Variants in ATP8B4 observed in about 807,000 individuals in gnomAD.
ATP8B4 encodes ATPase phospholipid transporting 8B4 (putative), also known as probable phospholipid-transporting ATPase IM.
A neutral mutation model predicts 145.6 loss-of-function variants in ATP8B4; 133 were observed. That is an observed-to-expected ratio of 0.91 (90% CI 0.79 to 1.05). The LOEUF (loss-of-function observed/expected upper bound fraction) is 1.05. Ranked by LOEUF, ATP8B4 falls within the 50% of genes least tolerant of loss-of-function variation. The pLI, the probability that ATP8B4 is intolerant of heterozygous loss-of-function variation, is 0.00. For synonymous variants in ATP8B4, 507 were observed against 492.9 expected (o/e 1.03, Z -0.38); for missense variants, 1,458 against 1,425.2 (o/e 1.02, Z -0.37).
At chr15:50,117,588 A>T (rs2057192713) in intron 1 of ATP8B4, among the ~76,000 whole-genome samples, 1 of 152,020 alleles carries the variant, frequency 6.6e-6, no homozygotes, top group Admixed American at 6.6e-5. Context: ...AAAATAAATC[A>T]CTCTGTGGTT....
At chr15:50,047,577 G>A (rs779624861) in intron 3 of ATP8B4, 113 bp from the exon 4 acceptor site, 1 of 703,118 alleles carries the variant, frequency 1.4e-6, no homozygotes, top group East Asian at 2.7e-5. Flanking sequence ...CGGTTATCTA[G>A]GAAATTTCAA....
chr15:50,142,878 C>T (rs2044230725), intron 1 of ATP8B4, among the ~76,000 whole-genome samples: 1 of 152,152 alleles, frequency 6.6e-6, no homozygotes, highest in Admixed American at 6.6e-5. Flanking sequence ...CCATCCATGG[C>T]CTTGACTGTT....
chr15:49,875,821 T>C (rs1233353426), intron 25 of ATP8B4, among the ~76,000 whole-genome samples: 2 of 152,200 alleles, frequency 1.3e-5, no homozygotes, highest in African/African-American at 4.8e-5. Context: ...GAGTGTGAGA[T>C]TCGGATATGC....
intron 12 of ATP8B4, 58 bp downstream of exon 12, chr15:49,979,559 T>C: frequency 2.3e-6 from 3 of 1,315,886 alleles, no homozygotes; most frequent in Non-Finnish European, 3.0e-6. Context: ...AAACAAATAA[T>C]ATTGGAAACA....
At chr15:49,932,805 G>C (rs1333231279) in intron 15 of ATP8B4, among the ~76,000 whole-genome samples, 1 of 151,974 alleles carries the variant, frequency 6.6e-6, no homozygotes, top group Non-Finnish European at 1.5e-5. Flanking sequence ...TCAAAACTGG[G>C]TCCCCCAAAG....
At chr15:49,894,857 C>T (rs889871324) in intron 23 of ATP8B4, 1 of 152,188 alleles carries the variant, frequency 6.6e-6, no homozygotes, top group Non-Finnish European at 1.5e-5. Flanking sequence ...ATAGAAACAC[C>T]CACCAACATG....
At chr15:49,877,590 G>T (rs778813829) in intron 24 of ATP8B4, among the ~76,000 whole-genome samples, 3 of 152,142 alleles carry the variant, frequency 2.0e-5, no homozygotes, top group Non-Finnish European at 2.9e-5. Context: ...GTGACTGAGG[G>T]TTATGTGCGC....
intron 1 of ATP8B4, among the ~76,000 whole-genome samples, chr15:50,139,226 G>GC (rs2044174687): frequency 6.6e-6 from 1 of 152,128 alleles, no homozygotes; most frequent in Non-Finnish European, 1.5e-5. Context: ...AGAAAATGTG[G>GC]CACATATACA....
intron 1 of ATP8B4, among the ~76,000 whole-genome samples, chr15:50,129,835 C>T (rs1315515284): frequency 6.6e-6 from 1 of 151,840 alleles, no homozygotes; most frequent in Non-Finnish European, 1.5e-5. Context: ...GTAGTCCCAG[C>T]TACTTGGGAA....
chr15:50,030,337 T>C (rs1389677948), intron 6 of ATP8B4, among the ~76,000 whole-genome samples: 1 of 152,184 alleles, frequency 6.6e-6, no homozygotes, highest in Non-Finnish European at 1.5e-5. Context: ...TCATCTAAGA[T>C]AAATGCATCC....
intron 3 of ATP8B4, among the ~76,000 whole-genome samples, chr15:50,072,645 G>A (rs958209730): frequency 7.9e-5 from 12 of 151,422 alleles, no homozygotes; most frequent in East Asian, 2.0e-4. Context: ...CTTTCGAGAT[G>A]GAGTCTCCCT....
chr15:50,106,752 A>T (rs1462124790), intron 2 of ATP8B4, among the ~76,000 whole-genome samples, 187 bp downstream of exon 2: 1 of 152,218 alleles, frequency 6.6e-6, no homozygotes, highest in African/African-American at 2.4e-5. Flanking sequence ...GGGGTGATAG[A>T]AATCAATGTT....
At chr15:50,098,677 CA>C (rs1045594069) in intron 2 of ATP8B4, among the ~76,000 whole-genome samples, 7 of 152,036 alleles carry the variant, frequency 4.6e-5, no homozygotes, top group African/African-American at 1.7e-4. Context: ...TGTAGATTCA[CA>C]AAAATAAGCA....
chr15:50,058,391 C>G (rs918127802), intron 3 of ATP8B4, among the ~76,000 whole-genome samples: 11 of 152,174 alleles, frequency 7.2e-5, no homozygotes, highest in African/African-American at 2.7e-4. Context: ...AAAATTAGAC[C>G]ATGTTCACAC....
intron 3 of ATP8B4, among the ~76,000 whole-genome samples, chr15:50,054,841 T>C (rs1315163389): frequency 6.8e-6 from 1 of 146,414 alleles, no homozygotes; most frequent in African/African-American, 2.5e-5. Flanking sequence ...CTCAGCACTT[T>C]AAATTCAGTC....
chr15:50,158,912 T>C (rs2044472990), intron 1 of ATP8B4, among the ~76,000 whole-genome samples: 1 of 152,164 alleles, frequency 6.6e-6, no homozygotes, highest in Non-Finnish European at 1.5e-5. Flanking sequence ...GGCAGCATGC[T>C]CCTTAAGAGT....
intron 1 of ATP8B4, among the ~76,000 whole-genome samples, chr15:50,126,468 C>T (rs1157745883): frequency 6.6e-6 from 1 of 152,132 alleles, no homozygotes; most frequent in Non-Finnish European, 1.5e-5. Flanking sequence ...GTTCCTGGAC[C>T]TTGTGCAAGA....
At chr15:49,902,842 T>C (rs1224372642) in intron 20 of ATP8B4, among the ~76,000 whole-genome samples, 1 of 152,170 alleles carries the variant, frequency 6.6e-6, no homozygotes, top group East Asian at 1.9e-4. Context: ...AAATTGTGAC[T>C]TCAGAAAGCA....
chr15:49,907,171 A>G (rs1377633586), intron 20 of ATP8B4, among the ~76,000 whole-genome samples: 1 of 152,204 alleles, frequency 6.6e-6, no homozygotes, highest in Non-Finnish European at 1.5e-5. Flanking sequence ...GTAGACACTG[A>G]TGAACAGTAA....
Sources: allele counts gnomAD v4.1 joint callset (sites outside exome capture counted in the v4.1 genomes callset), GRCh38; gene constraint gnomAD v4.1.1; transcripts MANE v1.5; gene names NCBI Gene and HGNC (gene_info 2026-07-23, HGNC 2026-07-21).